The following ZNF280C variants were observed in gnomAD, a reference collection of about 807,000 sequenced individuals.
ZNF280C encodes the protein suppressor of hairy wing homolog 3.
A neutral mutation model predicts 53.6 loss-of-function variants in ZNF280C; 14 were observed. The observed-to-expected ratio is 0.26, with a 90% confidence interval of 0.17 to 0.41. The LOEUF (loss-of-function observed/expected upper bound fraction) is 0.41. ZNF280C is among the 10% of genes least tolerant of loss of function. The pLI, the probability that ZNF280C is intolerant of heterozygous loss-of-function variation, is 1.00. For missense variants in ZNF280C, 416 were observed against 547.1 expected (o/e 0.76, Z 2.39); for synonymous variants, 203 against 181.1 (o/e 1.12, Z -0.97).
chrX:130,235,057 GA>G (rs1165984700), intron 8 of ZNF280C, among the ~76,000 whole-genome samples: 1 of 111,296 alleles, frequency 9.0e-6, no homozygotes, highest in African/African-American at 3.3e-5. Context: ...AGGGTAATGC[GA>G]CATGGATATG....
chrX:130,243,761 ATTTAAC>A (rs1390738844), intron 4 of ZNF280C, 33 bp downstream of exon 4: 1 of 1,168,829 alleles, frequency 8.6e-7, no homozygotes, highest in East Asian at 3.1e-5. Flanking sequence ...ATATCAAAAT[ATTTAAC>A]TTTAAAATTG....
At chrX:130,219,830 A>C (rs967838305) in intron 13 of ZNF280C, among the ~76,000 whole-genome samples, 3 of 111,019 alleles carry the variant, frequency 2.7e-5, no homozygotes, top group Non-Finnish European at 5.7e-5. Context: ...CTGCCAACTT[A>C]GTCTACAATC....
At chrX:130,243,510 T>C in intron 5 of ZNF280C, 53 bp downstream of exon 5, 2 of 1,150,841 alleles carry the variant, frequency 1.7e-6, no homozygotes, top group East Asian at 6.1e-5. Context: ...TAACTCAGTA[T>C]TATAATAGCC....
chrX:130,230,596 C>T lies in ZNF280C; in HGVS notation c.903G>A (p.Arg301=), dbSNP rs778638583. The T allele has an allele frequency of 8.3e-7, 1 of 1,209,297 alleles. No homozygotes were observed. Among genetic ancestry groups the T allele is most frequent in the Admixed American group, 2.2e-5 (1 of 45,980 alleles). Residue 301 remains arginine, a synonymous_variant, in exon 9 of 19, where the codon AGG becomes AGA. Transcript: ENST00000370978. The part of the protein sequence containing the change: ...IMLVNEFYYG[R]HEGVTEKEPK... ...GCTCTTTCTCAGTGACTCCTTCATG[C>T]CTTCCATAATAAAACTCATTGACTA...
At chrX:130,212,841 A>C (rs1346797317) in intron 15 of ZNF280C, among the ~76,000 whole-genome samples, 1 of 111,534 alleles carries the variant, frequency 9.0e-6, no homozygotes, top group Non-Finnish European at 1.9e-5. Flanking sequence ...TAATGAAATA[A>C]GGGTGTGGAG....
intron 12 of ZNF280C, among the ~76,000 whole-genome samples, chrX:130,222,276 C>CCACACACA (rs59694150): frequency 0.068 from 4,778 of 69,814 alleles, 220 homozygotes; most frequent in African/African-American, 0.092. Flanking sequence ...CATTCAGACA[C>CCACACACA]CACACACACA....
intron 12 of ZNF280C, among the ~76,000 whole-genome samples, chrX:130,221,384 TATAC>T (rs1196389943): frequency 4.5e-4 from 50 of 111,586 alleles, no homozygotes; most frequent in African/African-American, 1.6e-3. Context: ...TACCTATACC[TATAC>T]CTCATTCAGT....
rs774571591 is a variant in ZNF280C at position 130,213,827 on chromosome X, A to G, written c.1979+1366T>C. On this transcript the variant is annotated intron_variant, in intron 15 of 18. Coordinates refer to ENST00000370978, the MANE Select transcript of ZNF280C (RefSeq NM_017666.5). ...AGGTCAGGCTGACCACCAAAGGGAA[A>G]AAAATCCCTGCAAGCCAGGTGCTGA... Among the ~76,000 whole-genome samples, 5 of 112,396 alleles carry G rather than the reference A, an allele frequency of 4.4e-5. No homozygotes were observed. In the South Asian group the frequency reaches 1.9e-3, roughly 42 times the overall value.
chrX:130,262,180 A>T (rs1013258594), intron 1 of ZNF280C, among the ~76,000 whole-genome samples: 1 of 111,622 alleles, frequency 9.0e-6, no homozygotes, highest in African/African-American at 3.3e-5. Flanking sequence ...AAATCTTTAG[A>T]TGCCATTAGA....
chrX:130,229,266 G>A, intron 9 of ZNF280C, 132 bp from the exon 10 acceptor site: 3 of 574,495 alleles, frequency 5.2e-6, no homozygotes, highest in Non-Finnish European at 7.9e-6. Flanking sequence ...AGGCCTGAAA[G>A]CACTCTATAA....
At chrX:130,237,743 A>G (rs2032349793) in intron 6 of ZNF280C, among the ~76,000 whole-genome samples, 1 of 111,206 alleles carries the variant, frequency 9.0e-6, no homozygotes, top group Non-Finnish European at 1.9e-5. Context: ...TTTTCCTTAA[A>G]CAGAAATGAT....
At chrX:130,206,277 T>C (rs185350710) in intron 16 of ZNF280C, among the ~76,000 whole-genome samples, 39 of 110,908 alleles carry the variant, frequency 3.5e-4, no homozygotes, top group Non-Finnish European at 4.7e-4. Context: ...AGCATACATA[T>C]ACTTTTGAAG....
chrX:130,268,667 C>T (rs2032717075), intron 1 of ZNF280C, 95 bp downstream of exon 1: 1 of 112,752 alleles, frequency 8.9e-6, no homozygotes, highest in Non-Finnish European at 1.9e-5. Flanking sequence ...CAGCCAGCCG[C>T]CCTCAGAACC....
intron 2 of ZNF280C, among the ~76,000 whole-genome samples, chrX:130,252,528 T>C (rs1188932666): frequency 2.7e-5 from 3 of 111,058 alleles, no homozygotes; most frequent in Non-Finnish European, 3.8e-5. Context: ...AAGACCATCC[T>C]GGCCAATATG....
At chrX:130,214,600 A>C (rs898298387) in intron 15 of ZNF280C, among the ~76,000 whole-genome samples, 23 of 111,385 alleles carry the variant, frequency 2.1e-4, no homozygotes, top group African/African-American at 7.5e-4. Context: ...CAGAGACTCA[A>C]GTCTCTGATA....
In ZNF280C at chrX:130,230,545, G is replaced by A; in HGVS notation, c.954C>T (p.Cys318=). 8.3e-7 allele frequency: 1 copy of A among 1,204,802 alleles called. No homozygotes were observed. The highest frequency in any genetic ancestry group is 1.1e-6 in the Non-Finnish European group (1 of 891,621). ...TTTTAAGAACTTTCGAGCAACTGAA[G>A]CATTTAAAGGTTGTGTAAGTCTTTG... ...KEPKTYTTFK[C]FSCSKVLKNN... is the part of the protein sequence containing the mutation. Residue 318 remains cysteine (C), a synonymous_variant, in exon 9 of 19, where the codon TGC becomes TGT. Transcript: ENST00000370978.
chrX:130,254,785 G>A (rs2032548486), intron 2 of ZNF280C, among the ~76,000 whole-genome samples: 1 of 110,679 alleles, frequency 9.0e-6, no homozygotes, highest in South Asian at 3.9e-4. Flanking sequence ...GGAGGGAGAG[G>A]ATCAGGAAAA....
chrX:130,241,070 TGAA>T (rs770280775), intron 5 of ZNF280C, among the ~76,000 whole-genome samples: 58 of 111,498 alleles, frequency 5.2e-4, no homozygotes, highest in Non-Finnish European at 8.7e-4. Flanking sequence ...CTGTTACAGA[TGAA>T]GGAGCTGGAA....
At chrX:130,233,620 C>T (rs1399157505) in intron 8 of ZNF280C, among the ~76,000 whole-genome samples, 2 of 56,915 alleles carry the variant, frequency 3.5e-5, no homozygotes, top group African/African-American at 2.5e-4. Flanking sequence ...GAAACTCTGT[C>T]TCAAAAAAAA....
Sources: allele counts gnomAD v4.1 joint callset (sites outside exome capture counted in the v4.1 genomes callset), GRCh38; gene constraint gnomAD v4.1.1; transcripts MANE v1.5; gene names NCBI Gene and HGNC (gene_info 2026-07-23, HGNC 2026-07-21).